Variants in NRXN1 observed in about 807,000 individuals in gnomAD.
The protein encoded by NRXN1 is neurexin-1.
NRXN1 carries 39 observed loss-of-function variants against 150.9 expected under a neutral mutation model. The observed-to-expected ratio is 0.26, with a 90% CI of 0.20 to 0.34. The LOEUF (loss-of-function observed/expected upper bound fraction) is 0.34. Among genes scored for constraint, NRXN1 ranks in the 10% least tolerant of loss-of-function variants. The pLI is 1.00. For synonymous variants in NRXN1, 924 were observed against 757.0 expected, an observed-to-expected ratio of 1.22 and a Z score of -3.62; for missense variants, 1,815 against 1,949.9, an observed-to-expected ratio of 0.93 and a Z score of 1.30.
chr2:49,995,636 C>G (rs1030234275), intron 21 of NRXN1, among the ~76,000 whole-genome samples: 1 of 151,466 alleles, frequency 6.6e-6, no homozygotes, highest in Non-Finnish European at 1.5e-5. Context: ...AAAAAATGAG[C>G]CGGGCGTGGT....
intron 17 of NRXN1, among the ~76,000 whole-genome samples, chr2:50,367,593 C>G (rs2153016088): frequency 6.6e-6 from 1 of 152,136 alleles, no homozygotes; most frequent in East Asian, 1.9e-4. Context: ...TTTGGGCTTA[C>G]TGCCTCCTCA....
At chr2:50,218,499 T>C (rs866480058) in intron 18 of NRXN1, among the ~76,000 whole-genome samples, 5 of 151,550 alleles carry the variant, frequency 3.3e-5, no homozygotes, top group Non-Finnish European at 7.4e-5. Context: ...TCTTTTTTTT[T>C]TTTTTTTTCT....
In NRXN1 at chr2:50,959,991, A is replaced by G. The variant is rs560634832; in HGVS notation, c.773-34036T>C. Among the ~76,000 whole-genome samples the G allele has an allele frequency of 3.9e-5, 6 of 152,126 alleles. No individual in the cohort carries two copies. In the East Asian group the frequency reaches 9.7e-4, roughly 24 times the overall value. On this transcript the variant is annotated intron_variant, in intron 2 of 22. Coordinates refer to ENST00000401669, the MANE Select transcript of NRXN1 (RefSeq NM_001330078.2). ...GGACTGCTTCTATAACCATTTTCTT[A>G]TACACAAAAATTCTCCGATGTTGAA...
At chr2:50,828,257 TGGCCGGGCGGGG>T (rs1670786372) in intron 5 of NRXN1, among the ~76,000 whole-genome samples, 1 of 137,482 alleles carries the variant, frequency 7.3e-6, no homozygotes, top group Non-Finnish European at 1.6e-5. Flanking sequence ...ACGGGGCGGC[TGGCCGGGCGGGG>T]GGCTGACCCC....
intron 2 of NRXN1, 141 bp downstream of exon 2, chr2:51,027,361 C>A (rs1575274862): frequency 2.5e-6 from 2 of 813,150 alleles, no homozygotes; most frequent in South Asian, 2.7e-5. Context: ...GGTAGAGAGT[C>A]CCCCAGAAAC....
chr2:50,201,993 A>G (rs529041436), intron 18 of NRXN1, among the ~76,000 whole-genome samples: 1 of 152,184 alleles, frequency 6.6e-6, no homozygotes, highest in Non-Finnish European at 1.5e-5. Context: ...TATTCAATAC[A>G]TTGTTACTGA....
chr2:50,423,297 T>C (rs908156371), intron 17 of NRXN1, among the ~76,000 whole-genome samples: 10 of 152,072 alleles, frequency 6.6e-5, no homozygotes, highest in African/African-American at 1.7e-4. Flanking sequence ...AAAAACCTAT[T>C]TGTGATTGAT....
chr2:50,302,455 G>C (rs1041694814), intron 17 of NRXN1, among the ~76,000 whole-genome samples: 2 of 152,110 alleles, frequency 1.3e-5, no homozygotes, highest in Middle Eastern at 6.3e-3. Flanking sequence ...TTTATTGACA[G>C]TTATAGATTA....
At chr2:50,827,093 A>G (rs1670558580) in intron 5 of NRXN1, among the ~76,000 whole-genome samples, 1 of 152,214 alleles carries the variant, frequency 6.6e-6, no homozygotes, top group South Asian at 2.1e-4. Flanking sequence ...CGCTGAGTAA[A>G]AAAATGAGGA....
chr2:50,977,510 T>C (rs540668870), intron 2 of NRXN1, among the ~76,000 whole-genome samples: 47 of 152,060 alleles, frequency 3.1e-4, no homozygotes, highest in African/African-American at 9.6e-4. Context: ...TATGAAATTA[T>C]TTAAACTCTC....
chr2:50,353,177 A>G (rs1448388698), intron 17 of NRXN1, among the ~76,000 whole-genome samples: 1 of 152,078 alleles, frequency 6.6e-6, no homozygotes, highest in Non-Finnish European at 1.5e-5. Flanking sequence ...TGTAATCTCT[A>G]TCTTGTCTTT....
intron 5 of NRXN1, among the ~76,000 whole-genome samples, chr2:50,775,274 G>A (rs980471089): frequency 7.9e-5 from 12 of 151,868 alleles, no homozygotes; most frequent in East Asian, 1.9e-4. Flanking sequence ...TTGTTCTCTC[G>A]GTATCCTGTG....
chr2:49,988,595 T>C (rs1205037944), intron 21 of NRXN1, among the ~76,000 whole-genome samples: 1 of 147,754 alleles, frequency 6.8e-6, no homozygotes, highest in Non-Finnish European at 1.5e-5. Flanking sequence ...TTAAACTAAT[T>C]TTGGTCTTGA....
At chr2:50,670,324 G>A (rs775839706) in intron 5 of NRXN1, among the ~76,000 whole-genome samples, 24 of 151,014 alleles carry the variant, frequency 1.6e-4, no homozygotes, top group Non-Finnish European at 3.4e-4. Flanking sequence ...AACTTAACAA[G>A]TGCTCTTCCA....
At chr2:50,884,703 A>G (rs1012942369) in intron 5 of NRXN1, among the ~76,000 whole-genome samples, 2 of 151,654 alleles carry the variant, frequency 1.3e-5, no homozygotes, top group African/African-American at 2.4e-5. Flanking sequence ...TGATAGTTTG[A>G]AACTCACTGC....
Position 50,663,275 on chromosome 2 carries a change from G to A in NRXN1, c.833-39660C>T, listed in dbSNP as rs1446661448. Among the ~76,000 whole-genome samples, 3 of 151,962 alleles carry A rather than the reference G, an allele frequency of 2.0e-5. No homozygotes were observed. In the East Asian group the frequency reaches 5.8e-4, roughly 30 times the overall value. On this transcript the variant is annotated intron_variant, in intron 5 of 22. Transcript: ENST00000401669. ...TCACCTTGTTCCTTCCAACTTTGCT[G>A]CTTGTTCTCACATCTCTGTCTTTTA... is the stretch of plus-strand genomic sequence containing the variant.
Position 50,495,367 on chromosome 2 carries a change from TGTGTGTGTGTGTG to T in NRXN1, c.3070+525_3070+537del, listed in dbSNP as rs1291319103. Reference sequence around the variant, plus strand: ...TTCCGTGTGTGTGTGTGTGTGTGTGTGTGTGTGTGTGTGGTGTGTGTGTGTGTGTGTGTGTGTG... The same window carrying T: ...TTCCGTGTGTGTGTGTGTGTGTGTGTGTGTGTGTGTGTGTGTGTGTGTGTG... On this transcript the variant is annotated intron_variant, in intron 15 of 22. Transcript: ENST00000401669. 4.0e-3 allele frequency among the ~76,000 whole-genome samples: 28 copies of T among 6,992 alleles called. 1 individual carries two copies. Among genetic ancestry groups the T allele is most frequent in the South Asian group, 0.028 (5 of 180 alleles). The allele number at this position is 6,992 out of a possible 152,430, so 4.6% of individuals were successfully genotyped here.
intron 2 of NRXN1, among the ~76,000 whole-genome samples, chr2:50,960,188 G>A: frequency 6.6e-6 from 1 of 151,792 alleles, no homozygotes; most frequent in East Asian, 1.9e-4. Context: ...TCCATAAAAA[G>A]GTTAGCGAGA....
chr2:49,999,882 T>C (rs2152532190), intron 21 of NRXN1, among the ~76,000 whole-genome samples: 1 of 152,292 alleles, frequency 6.6e-6, no homozygotes, highest in Non-Finnish European at 1.5e-5. Context: ...TTTCCTACCT[T>C]CACCCCAAGA....
Sources: gnomAD v4.1 joint callset for allele counts (sites outside exome capture counted in the v4.1 genomes callset) on GRCh38, gnomAD v4.1.1 for gene constraint, MANE v1.5 for transcripts, NCBI Gene and HGNC (gene_info 2026-07-23, HGNC 2026-07-21) for gene names.